ELAVL2: variants seen among roughly 807,000 people sequenced by gnomAD.
ELAVL2 encodes ELAV like RNA binding protein 2, also known as ELAV-like protein 2.
A neutral mutation model predicts 34.6 loss-of-function variants in ELAVL2; 4 were observed. That is an observed-to-expected ratio of 0.12 (90% CI 0.06 to 0.26). The LOEUF (loss-of-function observed/expected upper bound fraction) is 0.26. Ranked by LOEUF, ELAVL2 falls within the 10% of genes least tolerant of loss-of-function variation. ELAVL2 has a pLI of 1.00. For synonymous variants in ELAVL2, 193 were observed against 154.8 expected, an observed-to-expected ratio of 1.25 and a Z score of -1.83; for missense variants, 432 against 442.8, an observed-to-expected ratio of 0.98 and a Z score of 0.22.
chr9:23,774,213 C>CAA (rs57247631), intron 1 of ELAVL2, among the ~76,000 whole-genome samples: 53 of 61,398 alleles, frequency 8.6e-4, no homozygotes, highest in East Asian at 1.7e-3. Flanking sequence ...GACTCCATCT[C>CAA]AAAAAAAAAA....
At chr9:23,838,078 T>C in the ELAVL2 span, among the ~76,000 whole-genome samples, 5 of 152,220 alleles carry the variant, frequency 3.3e-5, no homozygotes, top group Non-Finnish European at 7.4e-5. Flanking sequence ...AAATAGTGTT[T>C]ATTATTTAAT....
rs766643644 is a variant in ELAVL2 at position 23,758,644 on chromosome 9, G to C, written c.229+3362C>G. Among the ~76,000 whole-genome samples the C allele has an allele frequency of 2.6e-5, 4 of 152,214 alleles. 1 individual carries two copies. The highest frequency in any genetic ancestry group is 2.1e-4 in the South Asian group (1 of 4,820). ...GTCTGATAACCAGTTAACAACAAAT[G>C]ATTTCAAAAGCTTTTATAGCACCAT... On this transcript the variant is annotated intron_variant, in intron 2 of 6. Transcript: ENST00000397312.
At chr9:23,849,207 G>C in the ELAVL2 span, among the ~76,000 whole-genome samples, 1 of 152,194 alleles carries the variant, frequency 6.6e-6, no homozygotes, top group African/African-American at 2.4e-5. Flanking sequence ...GGATGCTGAA[G>C]AAGGACTCTT....
At chr9:23,716,660 C>A (rs528871707) in intron 3 of ELAVL2, among the ~76,000 whole-genome samples, 2 of 152,300 alleles carry the variant, frequency 1.3e-5, no homozygotes, top group Admixed American at 1.3e-4. Context: ...AGACAAAAAT[C>A]CCGTTGCCCT....
intron 1 of ELAVL2, chr9:23,779,359 AG>A (rs2058719029): frequency 1.0e-6 from 1 of 985,342 alleles, no homozygotes; most frequent in African/African-American, 1.7e-5. Flanking sequence ...AAGTCTTCAA[AG>A]GCAAGGGAAG....
chr9:23,729,338 T>C (rs1017365560), intron 3 of ELAVL2, among the ~76,000 whole-genome samples: 17 of 152,090 alleles, frequency 1.1e-4, no homozygotes, highest in African/African-American at 7.2e-5. Flanking sequence ...ACGCTGGAAA[T>C]CAATATAAAT....
chr9:23,821,791 C>T (rs1333363630), intron 1 of ELAVL2: 3 of 151,478 alleles, frequency 2.0e-5, no homozygotes, highest in Non-Finnish European at 4.4e-5. Context: ...CAACCGCCCT[C>T]CTCACCCGGC....
intron 1 of ELAVL2, among the ~76,000 whole-genome samples, chr9:23,778,299 C>G (rs941200761): frequency 3.3e-5 from 5 of 152,180 alleles, no homozygotes; most frequent in African/African-American, 9.7e-5. Context: ...GGCCAAAGTT[C>G]GGACTGGCAG....
At chr9:23,747,165 T>A (rs1728340851) in intron 2 of ELAVL2, among the ~76,000 whole-genome samples, 1 of 151,932 alleles carries the variant, frequency 6.6e-6, no homozygotes, top group South Asian at 2.1e-4. Context: ...ACACTACTTT[T>A]TTTTTTCCGA....
chr9:23,741,951 A>G (rs2049309531), intron 2 of ELAVL2, among the ~76,000 whole-genome samples: 1 of 152,146 alleles, frequency 6.6e-6, no homozygotes, highest in Non-Finnish European at 1.5e-5. Flanking sequence ...GGGTTCGGTT[A>G]CAGGCCTTCT....
chr9:23,752,414 A>C (rs537254215), intron 2 of ELAVL2, among the ~76,000 whole-genome samples: 7 of 152,216 alleles, frequency 4.6e-5, no homozygotes, highest in African/African-American at 1.7e-4. Context: ...CTAAGTAACA[A>C]ACCTAGTGTA....
At chr9:23,775,321 G>A (rs1035129098) in intron 1 of ELAVL2, among the ~76,000 whole-genome samples, 1 of 152,164 alleles carries the variant, frequency 6.6e-6, no homozygotes, top group Non-Finnish European at 1.5e-5. Context: ...TGGAAGGCTG[G>A]AGGACACCAC....
chr9:23,789,480 T>C (rs1379943693), intron 1 of ELAVL2, among the ~76,000 whole-genome samples: 1 of 152,194 alleles, frequency 6.6e-6, no homozygotes, highest in Non-Finnish European at 1.5e-5. Context: ...AAAATAGTAA[T>C]ACAATTCGGT....
intron 1 of ELAVL2, among the ~76,000 whole-genome samples, chr9:23,814,323 T>A (rs1382126158): frequency 6.6e-6 from 1 of 151,614 alleles, no homozygotes; most frequent in Admixed American, 6.6e-5. Context: ...GATAAGAAAA[T>A]AAAGGGACAA....
intron 4 of ELAVL2, among the ~76,000 whole-genome samples, chr9:23,702,719 T>A (rs1444749095): frequency 2.6e-5 from 4 of 152,026 alleles, no homozygotes; most frequent in Non-Finnish European, 5.9e-5. Flanking sequence ...TCACTTTACC[T>A]TTTCTATTTA....
intron 1 of ELAVL2, among the ~76,000 whole-genome samples, chr9:23,777,638 GTATCATGAGGTAGAAGCAA>G (rs1327706301): frequency 6.6e-6 from 1 of 152,068 alleles, no homozygotes; most frequent in African/African-American, 2.4e-5. Context: ...GAAACGGGGG[GTATCATGAGGTAGAAGCAA>G]GAACGGTAAA....
At chr9:23,746,816 A>G (rs1470289339) in intron 2 of ELAVL2, among the ~76,000 whole-genome samples, 1 of 151,320 alleles carries the variant, frequency 6.6e-6, no homozygotes, top group African/African-American at 2.4e-5. Flanking sequence ...TGTAAACTGA[A>G]AAAGAAAAAA....
rs904343651 is a variant in ELAVL2, at chr9:23,789,488, G to A, written c.-15-27239C>T. Among the ~76,000 whole-genome samples, 66 of 152,178 alleles carry A rather than the reference G, an allele frequency of 4.3e-4. 1 individual carries two copies. The highest frequency in any genetic ancestry group is 3.9e-3 in the Admixed American group (60 of 15,280). On this transcript the variant is annotated intron_variant, in intron 1 of 6. Transcript: ENST00000397312. ...ACAGTTCAAAATAGTAATACAATTC[G>A]GTAAAACTTTTAATTATTTCTCAAA... is the stretch of plus-strand genomic sequence containing the variant.
At chr9:23,794,449 T>A (rs533486298) in intron 1 of ELAVL2, among the ~76,000 whole-genome samples, 3 of 152,182 alleles carry the variant, frequency 2.0e-5, no homozygotes, top group East Asian at 3.9e-4. Flanking sequence ...CCTGCCAGAG[T>A]TCCTAAAAGC....
Sources: allele counts gnomAD v4.1 joint callset (sites outside exome capture counted in the v4.1 genomes callset), GRCh38; gene constraint gnomAD v4.1.1; transcripts MANE v1.5; gene names NCBI Gene and HGNC (gene_info 2026-07-23, HGNC 2026-07-21).